TENM4: variants seen among roughly 807,000 people sequenced by gnomAD.
TENM4 encodes teneurin transmembrane protein 4.
TENM4 carries 82 observed loss-of-function variants against 243.3 expected under a neutral mutation model. That is an observed-to-expected ratio of 0.34 (90% confidence interval 0.28 to 0.40). The LOEUF (loss-of-function observed/expected upper bound fraction) is 0.40, where lower values mean the gene tolerates loss of function less well. Ranked by LOEUF, TENM4 falls within the 10% of genes least tolerant of loss-of-function variation. The pLI is 1.00. For synonymous variants in TENM4, 1,412 were observed against 1,456.3 expected (o/e 0.97, Z 0.69); for missense variants, 3,138 against 3,673.3 (o/e 0.85, Z 3.77).
At chr11:79,072,606 T>C (rs1009274949) in intron 4 of TENM4, among the ~76,000 whole-genome samples, 9 of 152,240 alleles carry the variant, frequency 5.9e-5, no homozygotes, top group Admixed American at 4.6e-4. Flanking sequence ...TATTGCATGA[T>C]GAGAAATGCA....
At chr11:79,393,012 T>C (rs948992301) in intron 1 of TENM4, among the ~76,000 whole-genome samples, 1 of 152,114 alleles carries the variant, frequency 6.6e-6, no homozygotes, top group South Asian at 2.1e-4. Context: ...CCTAGTGTCA[T>C]TTCCCAAACC....
chr11:79,145,059 T>C (rs930367060), intron 4 of TENM4, among the ~76,000 whole-genome samples: 31 of 152,042 alleles, frequency 2.0e-4, no homozygotes, highest in South Asian at 1.2e-3. Flanking sequence ...TATATATACC[T>C]ACTATGAACC....
chr11:79,298,942 A>G (rs1051710768), intron 1 of TENM4, among the ~76,000 whole-genome samples: 1 of 152,136 alleles, frequency 6.6e-6, no homozygotes, highest in East Asian at 1.9e-4. Context: ...TTTCTCTCCT[A>G]TGAAAAGCAA....
intron 4 of TENM4, among the ~76,000 whole-genome samples, chr11:79,083,761 C>T (rs1860737498): frequency 6.6e-6 from 1 of 152,170 alleles, no homozygotes; most frequent in East Asian, 1.9e-4. Context: ...CTCTGGGAAG[C>T]AGTGGAGCAC....
At chr11:79,106,571 G>A (rs139853181) in intron 4 of TENM4, among the ~76,000 whole-genome samples, 5 of 152,194 alleles carry the variant, frequency 3.3e-5, no homozygotes, top group Admixed American at 6.5e-5. Context: ...GACAGACGTC[G>A]GTCCTCTTGC....
chr11:78,821,710 A>G lies in TENM4; in HGVS notation c.1682-7315T>C, dbSNP rs146378560. 4.7e-3 allele frequency among the ~76,000 whole-genome samples: 721 copies of G among 152,330 alleles called. 3 individuals carry two copies. Among genetic ancestry groups the G allele is most frequent in the African/African-American group, 0.016 (677 of 41,564 alleles). ...GAAGGAATTGAAAATTCAGCTTACT[A>G]AGGGGGTTATGACATCTGTTTAAAA... On this transcript the variant is annotated intron_variant, in intron 12 of 33. Transcript: ENST00000278550.
intron 6 of TENM4, among the ~76,000 whole-genome samples, chr11:79,056,416 G>A (rs563594811): frequency 9.6e-4 from 146 of 152,120 alleles, no homozygotes; most frequent in African/African-American, 3.4e-3. Context: ...GCAGGAAGCG[G>A]TTATGGGGTG....
chr11:78,672,005 C>A, intron 31 of TENM4, 28 bp downstream of exon 31: 1 of 1,595,184 alleles, frequency 6.3e-7, no homozygotes, highest in Non-Finnish European at 8.6e-7. Flanking sequence ...TATGGCAAGG[C>A]CAGTGATGCA....
At chr11:78,999,469 T>C (rs2136696493) in intron 6 of TENM4, among the ~76,000 whole-genome samples, 1 of 151,296 alleles carries the variant, frequency 6.6e-6, no homozygotes, top group East Asian at 1.9e-4. Flanking sequence ...TGAGCCGAGA[T>C]CACACCACCG....
chr11:79,317,057 T>C (rs951029558), intron 1 of TENM4, among the ~76,000 whole-genome samples: 12 of 152,230 alleles, frequency 7.9e-5, no homozygotes, highest in Non-Finnish European at 1.8e-4. Context: ...CCTAGGAAAT[T>C]GGTGTCTAAT....
At chr11:79,423,299 C>G (rs1858974872) in intron 1 of TENM4, among the ~76,000 whole-genome samples, 1 of 151,898 alleles carries the variant, frequency 6.6e-6, no homozygotes, top group Admixed American at 6.6e-5. Flanking sequence ...CAACCCCCAC[C>G]CCCGCCATTG....
intron 6 of TENM4, among the ~76,000 whole-genome samples, chr11:78,959,130 C>T (rs1264200937): frequency 6.6e-6 from 1 of 152,142 alleles, no homozygotes; most frequent in Admixed American, 6.5e-5. Context: ...GCATTGCTTG[C>T]TCATTGGTTC....
At chr11:79,298,922 A>G (rs1856504809) in intron 1 of TENM4, among the ~76,000 whole-genome samples, 2 of 152,154 alleles carry the variant, frequency 1.3e-5, no homozygotes, top group South Asian at 4.1e-4. Flanking sequence ...GCAGCTCTCT[A>G]TTTCTGCCCT....
chr11:79,266,918 T>C (rs1298868712), intron 2 of TENM4, among the ~76,000 whole-genome samples: 1 of 152,196 alleles, frequency 6.6e-6, no homozygotes, highest in Non-Finnish European at 1.5e-5. Context: ...ATATAAATTA[T>C]GAGATACAAA....
chr11:79,371,968 G>A (rs1857796768), intron 1 of TENM4, among the ~76,000 whole-genome samples: 1 of 152,142 alleles, frequency 6.6e-6, no homozygotes, highest in African/African-American at 2.4e-5. Context: ...GCGATGAACT[G>A]AGGAAGAGAG....
intron 4 of TENM4, among the ~76,000 whole-genome samples, chr11:79,122,488 C>G (rs1002365582): frequency 6.6e-5 from 10 of 152,114 alleles, no homozygotes; most frequent in Non-Finnish European, 5.9e-5. Context: ...TGAGAGATGT[C>G]CGCTGGGACT....
rs560150106 is a variant in TENM4, at chr11:79,366,958, T to C, written c.-320-69415A>G. ...ATTCACAGCTCCCATTTGAGACTTA[T>C]CAATATTTTCTTCCTCCTTGGATCA... is the stretch of plus-strand genomic sequence containing the variant. On this transcript the variant is annotated intron_variant, in intron 1 of 33. Coordinates refer to ENST00000278550, the MANE Select transcript of TENM4 (RefSeq NM_001098816.3). 2.5e-4 allele frequency among the ~76,000 whole-genome samples: 38 copies of C among 152,342 alleles called. 1 individual carries two copies. In the South Asian group the frequency reaches 7.5e-3, roughly 30 times the overall value.
In TENM4 at chr11:78,670,098, A is replaced by G; in HGVS notation, c.6247T>C (p.Tyr2083His). ...ACCCGGAAGCTGTTGTCATAGTTGT[A>G]GTCAAAACGGGCGTTGACCATGCCT... is the stretch of plus-strand genomic sequence containing the variant. The part of the protein sequence containing the change: ...EEGMVNARFD[Y>H]NYDNSFRVTS... The change falls in exon 32 of 34, where the codon TAC becomes CAC. Residue 2083 changes from tyrosine to histidine, a missense_variant. By Grantham distance (83) the Tyr-to-His change is moderately conservative. Transcript: ENST00000278550. The G allele has an allele frequency of 6.2e-7, 1 of 1,613,944 alleles. No individual in the cohort carries two copies. Among genetic ancestry groups the G allele is most frequent in the Non-Finnish European group, 8.5e-7 (1 of 1,179,890 alleles).
intron 2 of TENM4, among the ~76,000 whole-genome samples, chr11:79,265,485 T>C (rs1288215718): frequency 6.6e-6 from 1 of 152,246 alleles, no homozygotes; most frequent in Non-Finnish European, 1.5e-5. Context: ...ACAAATTACA[T>C]GTCGAAATGA....
Sources: gnomAD v4.1 joint callset for allele counts (sites outside exome capture counted in the v4.1 genomes callset) on GRCh38, gnomAD v4.1.1 for gene constraint, MANE v1.5 for transcripts, NCBI Gene and HGNC (gene_info 2026-07-23, HGNC 2026-07-21) for gene names.